The following COL1A2 variants were observed in gnomAD, a reference collection of about 807,000 sequenced individuals.
The protein encoded by COL1A2 is collagen type I alpha 2 chain.
Under a neutral mutation model 174.3 loss-of-function variants are expected in COL1A2, and 49 were observed. The ratio of observed to expected loss-of-function variants is 0.28; its 90% CI spans 0.22 to 0.36. The LOEUF is 0.36. Ranked by LOEUF, COL1A2 falls within the 10% of genes least tolerant of loss-of-function variation. The pLI is 1.00. For synonymous variants in COL1A2, 655 were observed against 606.6 expected (o/e 1.08, Z -1.17); for missense variants, 1,438 against 1,822.7 (o/e 0.79, Z 3.84).
chr7:94,413,439 G>A (rs760371353), intron 26 of COL1A2, among the ~76,000 whole-genome samples: 3 of 152,106 alleles, frequency 2.0e-5, no homozygotes, highest in Non-Finnish European at 2.9e-5. Context: ...GCCTTGTGTC[G>A]CATACTTCGC....
At chr7:94,424,554 C>G in intron 41 of COL1A2, 111 bp downstream of exon 41, 1 of 986,234 alleles carries the variant, frequency 1.0e-6, no homozygotes, top group Non-Finnish European at 1.6e-6. Flanking sequence ...GATTTTTATT[C>G]ATGGCATTTT....
rs1333220567 is a variant in COL1A2, at chr7:94,430,535, AAAG to A, written c.*146_*148del. ...TGCTTAAATTGTGGGCAAAAGAGAA[AAAG>A]AAGGATTGATCAGAGCATTGTGCAA... On this transcript the variant is annotated 3_prime_UTR_variant, in exon 52 of 52. Transcript: ENST00000297268. The A allele has an allele frequency of 5.1e-5, 44 of 867,494 alleles. No homozygotes were observed. The highest frequency in any genetic ancestry group is 2.1e-4 in the South Asian group (13 of 61,202). The allele number at this position is 867,494 out of a possible 1,614,324, so 53.7% of individuals were successfully genotyped here. A position where few individuals can be genotyped will look rare whatever the true frequency, so the allele number is the denominator to read the frequency against.
At chr7:94,425,519 T>A (rs1207219192) in intron 42 of COL1A2, 91 bp from the exon 43 acceptor site, 16 of 1,311,002 alleles carry the variant, frequency 1.2e-5, no homozygotes, top group Non-Finnish European at 1.8e-5. Flanking sequence ...TACTGAGCAC[T>A]GGAAGTGATG....
Position 94,427,300 on chromosome 7 carries a change from G to A in COL1A2, c.3267+5G>A. ...CAGGGTCACCAAGGCCCTGCTGTAA[G>A]TATGATTTGGGGAAATAATAAAGAA... On this transcript the variant is annotated splice_donor_5th_base_variant and intron_variant, in intron 48 of 51. Coordinates refer to ENST00000297268, the MANE Select transcript of COL1A2 (RefSeq NM_000089.4). 6.2e-7 allele frequency: 1 copy of A among 1,605,080 alleles called. No homozygotes were observed. The highest frequency in any genetic ancestry group is 8.5e-7 in the Non-Finnish European group (1 of 1,174,646).
intron 22 of COL1A2, 37 bp from the exon 23 acceptor site, chr7:94,411,019 C>T: frequency 1.9e-6 from 3 of 1,604,532 alleles, no homozygotes; most frequent in Non-Finnish European, 2.6e-6. Context: ...CTTTAGCATC[C>T]TCCTCCTCTA....
At position 94,426,953 on chromosome 7, in the gene COL1A2, AT is replaced by A; in HGVS notation, c.3106-54del. 6 of 1,485,406 alleles carry A rather than the reference AT, an allele frequency of 4.0e-6. No individual in the cohort carries two copies. The South Asian group carries it at 5.9e-5, about 15-fold the overall frequency. 92.0% of individuals were successfully genotyped at this position (1,485,406 alleles called of 1,614,324 possible). A position where few individuals can be genotyped will look rare whatever the true frequency, so the allele number is the denominator to read the frequency against. On this transcript the variant is annotated intron_variant, in intron 46 of 51. Coordinates refer to ENST00000297268, the MANE Select transcript of COL1A2 (RefSeq NM_000089.4). ...CATTCAATTTGGAAAAAAAAAAAAA[AT>A]ATGTCTCTTGACATGTGCTCTGAAA... is the stretch of plus-strand genomic sequence containing the variant.
At chr7:94,421,663 A>C (rs899002139) in intron 38 of COL1A2, among the ~76,000 whole-genome samples, 2 of 152,184 alleles carry the variant, frequency 1.3e-5, no homozygotes, top group Admixed American at 1.3e-4. Context: ...GACCATCCAA[A>C]CCTTAACGCA....
chr7:94,416,329 T>C (rs1792041174), intron 30 of COL1A2, 76 bp from the exon 31 acceptor site: 1 of 1,308,894 alleles, frequency 7.6e-7, no homozygotes, highest in Non-Finnish European at 1.1e-6. Flanking sequence ...GCTACACAAA[T>C]GTAAACTCTC....
Position 94,405,689 on chromosome 7 carries a change from C to G in COL1A2, c.503C>G (p.Pro168Arg). 1 of 1,613,528 alleles carries G rather than the reference C, an allele frequency of 6.2e-7. No individual in the cohort carries two copies. The highest frequency in any genetic ancestry group is 8.5e-7 in the Non-Finnish European group (1 of 1,179,462). ...CTTTCTAAGGGTGCTCGTGGTTTCC[C>G]TGGAACTCCTGGACTTCCTGGCTTC... ...VVGPQGARGFPGTPGLPGFKG... is the reference protein window; with the variant it reads ...VVGPQGARGFRGTPGLPGFKG... The change falls in exon 11 of 52, where the codon CCT (proline) becomes CGT (arginine). Residue 168 changes from proline to arginine, a missense_variant. Pro to Arg is a moderately radical substitution (Grantham distance 103, BLOSUM62 -2). Around this residue, in one of 3 missense-constraint regions of COL1A2, gnomAD observed 281 missense variants for 310.9 expected, o/e 0.90. Coordinates refer to ENST00000297268, the MANE Select transcript of COL1A2 (RefSeq NM_000089.4).
chr7:94,419,961 G>A (rs979231333), intron 34 of COL1A2, among the ~76,000 whole-genome samples: 3 of 152,090 alleles, frequency 2.0e-5, no homozygotes, highest in African/African-American at 7.2e-5. Context: ...GATCAGCCCC[G>A]TGTCCATCTA....
chr7:94,417,669 T>C, intron 31 of COL1A2, 55 bp from the exon 32 acceptor site: 1 of 1,411,826 alleles, frequency 7.1e-7, no homozygotes, highest in Non-Finnish European at 9.8e-7. Context: ...TAGAGTTTGA[T>C]TCTTCATTTT....
intron 31 of COL1A2, chr7:94,417,383 G>A (rs1361741175): frequency 2.8e-6 from 1 of 351,374 alleles, no homozygotes; most frequent in Non-Finnish European, 5.5e-6. Flanking sequence ...TGGGCTAAGA[G>A]ACTTATCCTT....
intron 40 of COL1A2, 72 bp from the exon 41 acceptor site, chr7:94,424,264 A>G: frequency 7.6e-7 from 1 of 1,310,820 alleles, no homozygotes; most frequent in Non-Finnish European, 1.1e-6. Context: ...GTTTATTCTC[A>G]CAATCTTCAA....
intron 1 of COL1A2, among the ~76,000 whole-genome samples, chr7:94,396,006 A>G (rs1477190003): frequency 2.0e-5 from 3 of 152,172 alleles, no homozygotes; most frequent in African/African-American, 4.8e-5. Flanking sequence ...GGTTTTTCCC[A>G]TGAGTCTGAC....
chr7:94,430,960 C>T lies in COL1A2; in HGVS notation c.*567C>T, dbSNP rs1792389343. ...GAAATACTCCTGTATTGAGTTGTAT[C>T]GTGTGGTGTATTTTTTAAAAAATTT... On this transcript the variant is annotated 3_prime_UTR_variant, in exon 52 of 52. Coordinates refer to ENST00000297268, the MANE Select transcript of COL1A2 (RefSeq NM_000089.4). 6.5e-6 allele frequency: 1 copy of T among 152,776 alleles called. No homozygotes were observed. The highest frequency in any genetic ancestry group is 1.5e-5 in the Non-Finnish European group (1 of 68,250). 9.5% of individuals were successfully genotyped at this position (152,776 alleles called of 1,614,324 possible).
chr7:94,423,149 A>G lies in COL1A2; in HGVS notation c.2565+31A>G, dbSNP rs898003454. On this transcript the variant is annotated intron_variant, in intron 40 of 51. Coordinates refer to ENST00000297268, the MANE Select transcript of COL1A2 (RefSeq NM_000089.4). The stretch of plus-strand genomic sequence containing the variant: ...TGATTTCCAACTCCTCTTTCTTAAT[A>G]CCTTATGCTGAATTAAAATAAAGCC... 7 of 1,611,766 alleles carry G rather than the reference A, an allele frequency of 4.3e-6. No individual in the cohort carries two copies. The African/African-American group carries it at 9.4e-5, about 22-fold the overall frequency.
rs760681786 is a variant in COL1A2 at position 94,413,126 on chromosome 7, C to A, written c.1547C>A (p.Ala516Asp). The change falls in exon 26 of 52, where the codon GCT becomes GAT. Residue 516 changes from alanine to aspartate, a missense_variant. Physicochemically the swap from Ala to Asp is moderately radical, Grantham distance 126. Coordinates refer to ENST00000297268, the MANE Select transcript of COL1A2 (RefSeq NM_000089.4). Reference sequence around the variant, plus strand: ...GGTGATAAAGGTCATGCTGGTCTTGCTGGTGCTCGGGTAGGTGCTAACTTG... The same window carrying A: ...GGTGATAAAGGTCATGCTGGTCTTGATGGTGCTCGGGTAGGTGCTAACTTG... ...KNGDKGHAGL[A>D]GARGAPGPDG... The A allele has an allele frequency of 2.5e-6, 4 of 1,614,028 alleles. No individual in the cohort carries two copies. The South Asian group carries it at 4.4e-5, about 18-fold the overall frequency.
chr7:94,426,809 T>C, intron 46 of COL1A2, 199 bp from the exon 47 acceptor site: 1 of 635,672 alleles, frequency 1.6e-6, no homozygotes, highest in Non-Finnish European at 2.7e-6. Context: ...ATGACTAATA[T>C]TGCACTGCTG....
chr7:94,429,692 A>G, intron 51 of COL1A2: 2 of 404,438 alleles, frequency 4.9e-6, no homozygotes, highest in East Asian at 4.6e-5. Flanking sequence ...AATGTATACT[A>G]TGTCCATGCA....
Sources: gnomAD v4.1 joint callset for allele counts (sites outside exome capture counted in the v4.1 genomes callset) on GRCh38, gnomAD v4.1.1 for gene constraint, gnomAD v4.1.1 regional missense constraint, MANE v1.5 for transcripts, NCBI Gene and HGNC (gene_info 2026-07-23, HGNC 2026-07-21) for gene names.